The following ORC4 variants were observed in gnomAD, a reference collection of about 807,000 sequenced individuals.
The protein encoded by ORC4 is origin recognition complex subunit 4.
Under a neutral mutation model 63.9 loss-of-function variants are expected in ORC4, and 55 were observed. That is an observed-to-expected ratio of 0.86 (90% CI 0.69 to 1.08). ORC4 has a LOEUF of 1.08. Among genes scored for constraint, ORC4 ranks in the 50% least tolerant of loss-of-function variants. The probability of loss-of-function intolerance (pLI) is 0.00; values close to 1 mark genes in which losing one functional copy is unlikely to be tolerated. For missense variants in ORC4, 511 were observed against 504.4 expected (o/e 1.01, Z -0.13); for synonymous variants, 150 against 168.5 (o/e 0.89, Z 0.85).
intron 4 of ORC4, chr2:147,960,218 T>C (rs1228441290): frequency 2.3e-5 from 23 of 980,100 alleles, no homozygotes; most frequent in Non-Finnish European, 2.8e-5. Flanking sequence ...AACAGATTTA[T>C]AGCTTTCTTT....
At chr2:147,985,720 A>G (rs1432328004) in intron 1 of ORC4, among the ~76,000 whole-genome samples, 1 of 152,176 alleles carries the variant, frequency 6.6e-6, no homozygotes, top group Non-Finnish European at 1.5e-5. Flanking sequence ...ACTTTGTGGG[A>G]GAAGCAACCT....
chr2:147,954,657 T>C (rs1019199747), intron 7 of ORC4, among the ~76,000 whole-genome samples: 3 of 152,136 alleles, frequency 2.0e-5, no homozygotes, highest in African/African-American at 7.2e-5. Context: ...AATAAAAATA[T>C]GAAATGACAA....
rs1687674855 is a variant in ORC4 at position 147,930,761 on chromosome 2, G to C, written c.*4749C>G. On this transcript the variant is annotated 3_prime_UTR_variant, in exon 14 of 14. Transcript: ENST00000392857. ...CTTGGATAAGTGATTGTTAAATATT[G>C]TACAAATAAAATGTATGCTATCCCC... 1 of 151,956 alleles carries C rather than the reference G, an allele frequency of 6.6e-6. No homozygotes were observed. The highest frequency in any genetic ancestry group is 1.5e-5 in the Non-Finnish European group (1 of 67,946). 9.4% of individuals were successfully genotyped at this position (151,956 alleles called of 1,614,324 possible).
chr2:147,946,258 GTA>G (rs1446692162), intron 9 of ORC4, among the ~76,000 whole-genome samples: 1 of 151,706 alleles, frequency 6.6e-6, no homozygotes, highest in Non-Finnish European at 1.5e-5. Flanking sequence ...CCTAGACCAT[GTA>G]GTTACCTTAA....
intron 6 of ORC4, among the ~76,000 whole-genome samples, chr2:147,956,476 A>G (rs1689259484): frequency 6.6e-6 from 1 of 152,074 alleles, no homozygotes; most frequent in African/African-American, 2.4e-5. Context: ...ATATACATAT[A>G]TATGTCTGTT....
At chr2:147,967,721 T>C (rs145376415) in intron 4 of ORC4, among the ~76,000 whole-genome samples, 60 of 152,168 alleles carry the variant, frequency 3.9e-4, no homozygotes, top group Admixed American at 5.2e-4. Flanking sequence ...ATTACTATAT[T>C]ACCAGAAGCA....
chr2:147,963,557 G>T (rs1315174649), intron 4 of ORC4, among the ~76,000 whole-genome samples: 1 of 152,112 alleles, frequency 6.6e-6, no homozygotes, highest in Non-Finnish European at 1.5e-5. Flanking sequence ...GGATCAAGCA[G>T]CCTTGCACCT....
At chr2:148,006,362 G>T (rs556821235) in intron 1 of ORC4, among the ~76,000 whole-genome samples, 189 of 152,260 alleles carry the variant, frequency 1.2e-3, no homozygotes, top group Admixed American at 2.3e-3. Flanking sequence ...GTAGTCTAGG[G>T]CCCGGAATAA....
intron 8 of ORC4, among the ~76,000 whole-genome samples, chr2:147,950,045 G>A (rs1239762622): frequency 6.6e-6 from 1 of 152,114 alleles, no homozygotes; most frequent in African/African-American, 2.4e-5. Flanking sequence ...AATAGCCTGA[G>A]GTAGGAGGTG....
chr2:148,008,442 T>C (rs1400661450), intron 1 of ORC4, among the ~76,000 whole-genome samples: 6 of 152,206 alleles, frequency 3.9e-5, no homozygotes. Flanking sequence ...GGAGGGATTG[T>C]TAGATATGAG....
intron 1 of ORC4, among the ~76,000 whole-genome samples, chr2:148,018,107 CA>C (rs1196537587): frequency 1.3e-5 from 2 of 151,866 alleles, no homozygotes; most frequent in Non-Finnish European, 2.9e-5. Context: ...AACAAACAAA[CA>C]AAAAAACCTC....
intron 1 of ORC4, among the ~76,000 whole-genome samples, chr2:147,991,333 G>A (rs1194262348): frequency 6.6e-6 from 1 of 152,056 alleles, no homozygotes; most frequent in Non-Finnish European, 1.5e-5. Context: ...ACAGGCGTGA[G>A]CCACTGCACC....
intron 1 of ORC4, among the ~76,000 whole-genome samples, chr2:148,008,489 T>A (rs1692755627): frequency 6.6e-6 from 1 of 152,198 alleles, no homozygotes; most frequent in African/African-American, 2.4e-5. Context: ...TGTGTCAGTA[T>A]GTTCAATTCT....
At chr2:148,002,300 C>T (rs1692365422) in intron 1 of ORC4, among the ~76,000 whole-genome samples, 1 of 152,184 alleles carries the variant, frequency 6.6e-6, no homozygotes, top group African/African-American at 2.4e-5. Context: ...CCCAAATCAA[C>T]AGAATATACA....
At chr2:147,958,556 G>C (rs1246505885) in intron 5 of ORC4, 173 bp from the exon 6 acceptor site, 2 of 591,974 alleles carry the variant, frequency 3.4e-6, no homozygotes, top group African/African-American at 3.8e-5. Flanking sequence ...AATCCTCCTT[G>C]GGATTAGAAT....
rs189321176 is a variant in ORC4 at position 147,950,276 on chromosome 2, T to C, written c.589-2052A>G. Among the ~76,000 whole-genome samples, 88 of 152,172 alleles carry C rather than the reference T, an allele frequency of 5.8e-4. 1 individual carries two copies. Among genetic ancestry groups the C allele is most frequent in the African/African-American group, 2.0e-3 (85 of 41,502 alleles). On this transcript the variant is annotated intron_variant, in intron 8 of 13. Coordinates refer to ENST00000392857, the MANE Select transcript of ORC4 (RefSeq NM_181741.4). ...CCCTAAATTTGGGAATGAAAAGAGA[T>C]GGAAGTAAATACTGTCTTTGTAGTA... is the stretch of plus-strand genomic sequence containing the variant.
At chr2:147,958,548 T>A in intron 5 of ORC4, 165 bp from the exon 6 acceptor site, 1 of 602,392 alleles carries the variant, frequency 1.7e-6, no homozygotes, top group Non-Finnish European at 2.9e-6. Context: ...CAAAAAACAA[T>A]CCTCCTTGGG....
intron 1 of ORC4, among the ~76,000 whole-genome samples, chr2:147,988,904 T>C (rs1260523368): frequency 6.6e-6 from 1 of 152,198 alleles, no homozygotes; most frequent in African/African-American, 2.4e-5. Context: ...TTTCCAACAC[T>C]GATTTTATAG....
In ORC4 at chr2:147,958,813, A is replaced by AT. The variant is rs1406018345; in HGVS notation, c.278dup (p.Asn93LysfsTer15). On this transcript the variant is annotated frameshift_variant, in exon 5 of 14. Transcript: ENST00000392857. LOFTEE classifies it high-confidence loss of function. ...TACCATTTAAGTGAACTTGTAATAC[A>AT]TTTTCACTCACTTCTTCTATTTCCA... 1 of 1,462,834 alleles carries AT rather than the reference A, an allele frequency of 6.8e-7. No homozygotes were observed. The highest frequency in any genetic ancestry group is 1.4e-5 in the African/African-American group (1 of 71,960). The allele number at this position is 1,462,834 out of a possible 1,614,324, so 90.6% of individuals were successfully genotyped here.
Sources: allele counts gnomAD v4.1 joint callset (sites outside exome capture counted in the v4.1 genomes callset), GRCh38; gene constraint gnomAD v4.1.1; transcripts MANE v1.5; gene names NCBI Gene and HGNC (gene_info 2026-07-23, HGNC 2026-07-21).